Variants in PRMT9 observed in about 807,000 individuals in gnomAD.
PRMT9 encodes protein arginine N-methyltransferase 9.
Under a neutral mutation model 83.2 loss-of-function variants are expected in PRMT9, and 59 were observed. That is an observed-to-expected ratio of 0.71 (90% CI 0.57 to 0.88). The LOEUF (loss-of-function observed/expected upper bound fraction) is 0.88, where lower values mean the gene tolerates loss of function less well. PRMT9 is among the 40% of genes least tolerant of loss of function. The pLI is 0.00. For missense variants in PRMT9, 947 were observed against 1,021.9 expected (o/e 0.93, Z 1.00); for synonymous variants, 333 against 353.2 (o/e 0.94, Z 0.64).
At chr4:147,667,194 T>C (rs1161471873) in intron 6 of PRMT9, among the ~76,000 whole-genome samples, 2 of 152,132 alleles carry the variant, frequency 1.3e-5, no homozygotes, top group Admixed American at 6.6e-5. Flanking sequence ...AACCCAGTAA[T>C]TCCTTATTAA....
rs77293186 is a variant in PRMT9, at chr4:147,638,741, C to T, written c.2329G>A (p.Val777Ile). ...GCAGTCAGTCTTCCAGATTTACAAA[C>T]GTATACCTATGAAAATAAAGAAATT... ...NTSNREVKVY[V>I]CKSGRLTAIP... Residue 777 changes from valine to isoleucine, a missense_variant, in exon 12 of 12, where the codon GTT becomes ATT. Val to Ile is a conservative substitution (Grantham distance 29). Coordinates refer to ENST00000322396, the MANE Select transcript of PRMT9 (RefSeq NM_138364.4). 8,857 of 1,606,612 alleles carry T rather than the reference C, an allele frequency of 5.5e-3. 142 individuals are homozygous for T. The East Asian group carries it at 0.069, about 13-fold the overall frequency.
intron 6 of PRMT9, among the ~76,000 whole-genome samples, chr4:147,665,293 T>G (rs571399879): frequency 6.6e-6 from 1 of 152,276 alleles, no homozygotes; most frequent in Non-Finnish European, 1.5e-5. Context: ...TTCCAAAAAC[T>G]AATTCTGCCT....
intron 9 of PRMT9, among the ~76,000 whole-genome samples, chr4:147,647,467 G>A (rs1733802381): frequency 6.6e-6 from 1 of 151,582 alleles, no homozygotes; most frequent in Admixed American, 6.6e-5. Context: ...TCAGGGAGGT[G>A]GATTCGAAAA....
chr4:147,669,227 GA>G (rs894964462), intron 5 of PRMT9, among the ~76,000 whole-genome samples: 83 of 31,686 alleles, frequency 2.6e-3, no homozygotes, highest in Middle Eastern at 0.014. Context: ...TGTCTCTACA[GA>G]AAAAAAATGT....
chr4:147,649,911 A>G (rs1224013004), intron 9 of PRMT9, among the ~76,000 whole-genome samples: 1 of 152,238 alleles, frequency 6.6e-6, no homozygotes, highest in Non-Finnish European at 1.5e-5. Flanking sequence ...AATACATCAC[A>G]TTAACAGAAT....
Position 147,638,410 on chromosome 4 carries a change from A to C in PRMT9, c.*122T>G. The C allele has an allele frequency of 1.4e-6, 1 of 722,634 alleles. No individual in the cohort carries two copies. Among genetic ancestry groups the C allele is most frequent in the South Asian group, 1.5e-5 (1 of 65,052 alleles). The allele number at this position is 722,634 out of a possible 1,614,324, so 44.8% of individuals were successfully genotyped here. A position where few individuals can be genotyped will look rare whatever the true frequency, so the allele number is the denominator to read the frequency against. On this transcript the variant is annotated 3_prime_UTR_variant, in exon 12 of 12. Coordinates refer to ENST00000322396, the MANE Select transcript of PRMT9 (RefSeq NM_138364.4). Reference sequence around the variant, plus strand: ...AGAATCTTTTAAAATATGCTTTATTAATGTCAATTTTAAAAAATATTTGAC... The same window carrying C: ...AGAATCTTTTAAAATATGCTTTATTCATGTCAATTTTAAAAAATATTTGAC...
Position 147,683,864 on chromosome 4 carries a change from C to G in PRMT9, c.124G>C (p.Gly42Arg). The G allele has an allele frequency of 6.2e-7, 1 of 1,613,604 alleles. No homozygotes were observed. Among genetic ancestry groups the G allele is most frequent in the Non-Finnish European group, 8.5e-7 (1 of 1,179,986 alleles). ...AGGAGGTAGTGGGCATAGGCAGTGC[C>G]GAAGTCCTGGACGCCCAGACAGTGC... ...AEHCLGVQDF[G>R]TAYAHYLLVL... is the part of the protein sequence containing the mutation. Residue 42 changes from glycine to arginine, a missense_variant, in exon 1 of 12, where the codon GGC (glycine) becomes CGC (arginine). Physicochemically the swap from Gly to Arg is moderately radical, Grantham distance 125. Transcript: ENST00000322396.
At chr4:147,683,231 A>C (rs1323869491) in intron 1 of PRMT9, among the ~76,000 whole-genome samples, 1 of 152,220 alleles carries the variant, frequency 6.6e-6, no homozygotes, top group African/African-American at 2.4e-5. Context: ...GGCATGCTTA[A>C]ATTAGATATA....
intron 7 of PRMT9, among the ~76,000 whole-genome samples, chr4:147,659,713 G>T (rs563140455): frequency 6.6e-6 from 1 of 151,578 alleles, no homozygotes; most frequent in East Asian, 2.0e-4. Context: ...AAGTAGCTGG[G>T]ATTAGAGGCA....
intron 6 of PRMT9, among the ~76,000 whole-genome samples, chr4:147,661,518 C>A (rs1470455507): frequency 6.6e-6 from 1 of 152,100 alleles, no homozygotes; most frequent in African/African-American, 2.4e-5. Flanking sequence ...AGGCCAGGCG[C>A]GGTGGCTCAT....
intron 6 of PRMT9, among the ~76,000 whole-genome samples, chr4:147,663,077 C>T (rs1383063228): frequency 6.9e-6 from 1 of 145,958 alleles, no homozygotes; most frequent in African/African-American, 2.5e-5. Context: ...GGCACAATCT[C>T]GGCTCACTGC....
intron 10 of PRMT9, among the ~76,000 whole-genome samples, chr4:147,640,060 T>C (rs1287694426): frequency 8.9e-6 from 1 of 111,982 alleles, no homozygotes; most frequent in African/African-American, 3.2e-5. Flanking sequence ...TCCACTCCTG[T>C]CTTTTTTTTT....
chr4:147,671,884 G>A (rs1735756612), intron 4 of PRMT9: 1 of 456,062 alleles, frequency 2.2e-6, no homozygotes, highest in African/African-American at 2.0e-5. Context: ...CCCCGAAACT[G>A]ACTATACTGG....
At chr4:147,649,983 T>C (rs1334601558) in intron 9 of PRMT9, among the ~76,000 whole-genome samples, 2 of 152,194 alleles carry the variant, frequency 1.3e-5, no homozygotes, top group African/African-American at 2.4e-5. Context: ...CACACTTTCA[T>C]TATAAAAGCA....
At chr4:147,670,915 G>A (rs976046182) in intron 4 of PRMT9, among the ~76,000 whole-genome samples, 172 bp from the exon 5 acceptor site, 2 of 152,016 alleles carry the variant, frequency 1.3e-5, no homozygotes, top group Non-Finnish European at 2.9e-5. Context: ...AACTTTACTC[G>A]AATGTTCCTT....
intron 6 of PRMT9, among the ~76,000 whole-genome samples, chr4:147,665,550 G>A (rs890657354): frequency 1.3e-5 from 2 of 152,060 alleles, no homozygotes; most frequent in African/African-American, 4.8e-5. Flanking sequence ...CCCTTTTTGA[G>A]CACTTCCTCA....
intron 9 of PRMT9, among the ~76,000 whole-genome samples, chr4:147,651,194 CATGTA>C: frequency 6.6e-6 from 1 of 151,550 alleles, no homozygotes; most frequent in Admixed American, 6.6e-5. Flanking sequence ...TATACAAAAA[CATGTA>C]TATTTTTATA....
intron 9 of PRMT9, among the ~76,000 whole-genome samples, chr4:147,652,810 T>C (rs1734203869): frequency 6.6e-6 from 1 of 152,122 alleles, no homozygotes; most frequent in Admixed American, 6.5e-5. Flanking sequence ...GTTACCAAGT[T>C]TGAAACAATG....
At chr4:147,675,851 C>T (rs953714101) in intron 2 of PRMT9, among the ~76,000 whole-genome samples, 1 of 152,110 alleles carries the variant, frequency 6.6e-6, no homozygotes, top group Non-Finnish European at 1.5e-5. Context: ...ACTGGACTAA[C>T]AAAAGGTTGT....
Sources: gnomAD v4.1 joint callset for allele counts (sites outside exome capture counted in the v4.1 genomes callset) on GRCh38, gnomAD v4.1.1 for gene constraint, MANE v1.5 for transcripts, NCBI Gene and HGNC (gene_info 2026-07-23, HGNC 2026-07-21) for gene names.